The following PAPPA variants were observed in gnomAD, a reference collection of about 807,000 sequenced individuals.
PAPPA encodes the protein pappalysin-1.
PAPPA carries 60 observed loss-of-function variants against 164.0 expected under a neutral mutation model. The observed-to-expected ratio is 0.37, with a 90% CI of 0.30 to 0.45. The LOEUF (loss-of-function observed/expected upper bound fraction) is 0.45. Among genes scored for constraint, PAPPA ranks in the 20% least tolerant of loss-of-function variants. The pLI, the probability that PAPPA is intolerant of heterozygous loss-of-function variation, is 1.00. For missense variants in PAPPA, 1,782 were observed against 2,087.3 expected, an observed-to-expected ratio of 0.85 and a Z score of 2.85; for synonymous variants, 875 against 814.1, an observed-to-expected ratio of 1.07 and a Z score of -1.27.
At chr9:116,267,018 C>A (rs1386372514) in intron 8 of PAPPA, among the ~76,000 whole-genome samples, 1 of 152,180 alleles carries the variant, frequency 6.6e-6, no homozygotes, top group African/African-American at 2.4e-5. Flanking sequence ...CACATAATAT[C>A]TGTGCAATAT....
chr9:116,257,565 G>T (rs1213191170), intron 7 of PAPPA, among the ~76,000 whole-genome samples: 1 of 151,948 alleles, frequency 6.6e-6, no homozygotes, highest in South Asian at 2.1e-4. Context: ...AGTGGGGCAT[G>T]GTGGCGGGCG....
chr9:116,172,884 C>T (rs1843789717), intron 1 of PAPPA, among the ~76,000 whole-genome samples: 1 of 152,178 alleles, frequency 6.6e-6, no homozygotes, highest in African/African-American at 2.4e-5. Context: ...ACTATGCATT[C>T]CACGATGTTT....
At chr9:116,295,482 A>T (rs1845493734) in intron 9 of PAPPA, among the ~76,000 whole-genome samples, 1 of 148,850 alleles carries the variant, frequency 6.7e-6, no homozygotes, top group Non-Finnish European at 1.5e-5. Context: ...AGAACCCAAG[A>T]GGAAGAGGTT....
rs1843579847 is a variant in PAPPA at position 116,154,673 on chromosome 9, C to T, written c.415+86C>T. 14 of 1,237,268 alleles carry T rather than the reference C, an allele frequency of 1.1e-5. No individual in the cohort carries two copies. The highest frequency in any genetic ancestry group is 1.4e-5 in the Non-Finnish European group (14 of 987,940). 76.6% of individuals were successfully genotyped at this position (1,237,268 alleles called of 1,614,324 possible). ...GTCTGGGCGCGGGTGGCGGGCGGGT[C>T]GGGGGCTTGCGGGCGTGTCTGTGCG... On this transcript the variant is annotated intron_variant, in intron 1 of 21. Transcript: ENST00000328252. This position sits in a 1 kb window ranked among gnomAD's most constrained non-coding sequence, Gnocchi z 5.2.
chr9:116,183,389 C>A (rs1042326341), intron 1 of PAPPA, among the ~76,000 whole-genome samples: 7 of 152,006 alleles, frequency 4.6e-5, no homozygotes, highest in Non-Finnish European at 8.8e-5. Context: ...TTATCCAGAC[C>A]CCTCCTTTTA....
chr9:116,326,984 T>C (rs1845928730), intron 10 of PAPPA, among the ~76,000 whole-genome samples: 1 of 152,240 alleles, frequency 6.6e-6, no homozygotes, highest in Non-Finnish European at 1.5e-5. Flanking sequence ...ATTCTTCTGT[T>C]GATGGACATG....
intron 14 of PAPPA, 136 bp from the exon 15 acceptor site, chr9:116,346,890 A>G: frequency 1.7e-6 from 1 of 592,294 alleles, no homozygotes; most frequent in Non-Finnish European, 3.0e-6. Context: ...ATTAAAAGTG[A>G]GCTAACGTTA....
intron 3 of PAPPA, among the ~76,000 whole-genome samples, chr9:116,208,879 T>C (rs1256908390): frequency 5.3e-5 from 8 of 152,176 alleles, no homozygotes; most frequent in Admixed American, 4.6e-4. Context: ...TAAATAAAGA[T>C]AGATACAAAG....
chr9:116,289,325 G>GC (rs1204448515), intron 9 of PAPPA, among the ~76,000 whole-genome samples: 5,101 of 70,328 alleles, frequency 0.073, 611 homozygotes, highest in Non-Finnish European at 0.11. Context: ...CATATATATG[G>GC]CATATATATA....
Position 116,271,566 on chromosome 9 carries a change from A to G in PAPPA, c.2953+150A>G. Reference sequence around the variant, plus strand: ...ATTGAGTGCCTCCTACATGCCAGGCACTGTTTTCAATATCGGGAAATACAG... The same window carrying G: ...ATTGAGTGCCTCCTACATGCCAGGCGCTGTTTTCAATATCGGGAAATACAG... On this transcript the variant is annotated intron_variant, in intron 9 of 21. Coordinates refer to ENST00000328252, the MANE Select transcript of PAPPA (RefSeq NM_002581.5). The surrounding 1 kb of genome is among the most constrained non-coding windows in gnomAD (Gnocchi z 4.2). 1 of 644,392 alleles carries G rather than the reference A, an allele frequency of 1.6e-6. No homozygotes were observed. The highest frequency in any genetic ancestry group is 2.8e-6 in the Non-Finnish European group (1 of 362,748). The allele number at this position is 644,392 out of a possible 1,614,324, so 39.9% of individuals were successfully genotyped here.
chr9:116,286,682 A>G (rs1190071428), intron 9 of PAPPA: 1 of 152,232 alleles, frequency 6.6e-6, no homozygotes, highest in Non-Finnish European at 1.5e-5. Flanking sequence ...TAACCAAAAC[A>G]TAAGTTATTG....
chr9:116,318,096 T>C lies in PAPPA; in HGVS notation c.3148-13148T>C, dbSNP rs569194294. ...TCATGGCTTAGCTGTGGCCGAGTTT[T>C]TCTCCTCTGGCCATTTTTTTTCCTC... On this transcript the variant is annotated intron_variant, in intron 10 of 21. Transcript: ENST00000328252. Among the ~76,000 whole-genome samples the C allele has an allele frequency of 2.5e-4, 38 of 152,270 alleles. 1 individual carries two copies. The highest frequency in any genetic ancestry group is 8.4e-4 in the African/African-American group (35 of 41,552).
intron 10 of PAPPA, among the ~76,000 whole-genome samples, chr9:116,329,044 A>G (rs1845956630): frequency 6.6e-6 from 1 of 152,206 alleles, no homozygotes; most frequent in African/African-American, 2.4e-5. Context: ...ATTATTATAA[A>G]GAGAATTGAG....
Position 116,335,057 on chromosome 9 carries a change from C to T in PAPPA, c.3594C>T (p.Tyr1198=). 1.2e-6 allele frequency: 2 copies of T among 1,613,180 alleles called. No homozygotes were observed. Among genetic ancestry groups the T allele is most frequent in the Non-Finnish European group, 8.5e-7 (1 of 1,179,876 alleles). Residue 1198 remains tyrosine, a synonymous_variant, in exon 13 of 22, where the codon TAC becomes TAT. Transcript: ENST00000328252. ...GCAGCTGCCAGAGAGGGGAGACCTACAGCCCTGCCGAGCAGAGGTAAGGGA... is the reference window on the plus strand; with the variant it reads ...GCAGCTGCCAGAGAGGGGAGACCTATAGCCCTGCCGAGCAGAGGTAAGGGA... The part of the protein sequence containing the change: ...TLSSCQRGET[Y]SPAEQSCVHF...
rs73654671 is a variant in PAPPA, at chr9:116,194,856, C to T, written c.1478+6640C>T. Among the ~76,000 whole-genome samples the T allele has an allele frequency of 5.6e-3, 855 of 152,248 alleles. 8 individuals carry two copies. The highest frequency in any genetic ancestry group is 0.019 in the African/African-American group (769 of 41,534). ...ATAAAAAAAGGCCTGGATGAAACTG[C>T]CATATACAAATTGAGAGCATTTGCT... On this transcript the variant is annotated intron_variant, in intron 2 of 21. Coordinates refer to ENST00000328252, the MANE Select transcript of PAPPA (RefSeq NM_002581.5).
At chr9:116,372,298 C>T (rs1251588345) in intron 19 of PAPPA, among the ~76,000 whole-genome samples, 1 of 152,164 alleles carries the variant, frequency 6.6e-6, no homozygotes, top group Non-Finnish European at 1.5e-5. Context: ...CCAAGTGCAG[C>T]AATGTGGAAA....
Position 116,399,761 on chromosome 9 carries a change from T to C in PAPPA, c.*3145T>C, listed in dbSNP as rs748487156. The C allele has an allele frequency of 2.6e-5, 4 of 152,498 alleles. No homozygotes were observed. Among genetic ancestry groups the C allele is most frequent in the African/African-American group, 4.8e-5 (2 of 41,410 alleles). The allele number at this position is 152,498 out of a possible 1,614,324, so 9.4% of individuals were successfully genotyped here. A position where few individuals can be genotyped will look rare whatever the true frequency, so the allele number is the denominator to read the frequency against. ...GTCCTTGGGAAATGAGTTTTGATGGTGAATTGGGGTGTTAAGGAAGGGAAA... is the reference window on the plus strand; with the variant it reads ...GTCCTTGGGAAATGAGTTTTGATGGCGAATTGGGGTGTTAAGGAAGGGAAA... On this transcript the variant is annotated 3_prime_UTR_variant, in exon 22 of 22. Coordinates refer to ENST00000328252, the MANE Select transcript of PAPPA (RefSeq NM_002581.5).
chr9:116,263,100 C>A (rs1845022490), intron 7 of PAPPA, among the ~76,000 whole-genome samples: 2 of 152,138 alleles, frequency 1.3e-5, no homozygotes, highest in African/African-American at 2.4e-5. Context: ...CTTGGGATAA[C>A]AACACCTTCC....
At chr9:116,214,145 C>T (rs988615612) in intron 4 of PAPPA, among the ~76,000 whole-genome samples, 1 of 152,160 alleles carries the variant, frequency 6.6e-6, no homozygotes, top group African/African-American at 2.4e-5. Flanking sequence ...ACCTCTACTA[C>T]CCATGTGGTA....
Sources: allele counts gnomAD v4.1 joint callset (sites outside exome capture counted in the v4.1 genomes callset), GRCh38; gene constraint gnomAD v4.1.1; non-coding constraint Gnocchi (gnomAD v3.1); transcripts MANE v1.5; gene names NCBI Gene and HGNC (gene_info 2026-07-23, HGNC 2026-07-21).